Variants in CRADD observed in about 807,000 individuals in gnomAD.
CRADD encodes CARD and death domain containing adaptor protein, also known as death domain-containing protein CRADD.
A neutral mutation model predicts 15.5 loss-of-function variants in CRADD; 9 were observed. The ratio of observed to expected loss-of-function variants is 0.58; its 90% CI spans 0.35 to 1.01. The LOEUF (loss-of-function observed/expected upper bound fraction) is 1.01, where lower values mean the gene tolerates loss of function less well. Ranked by LOEUF, CRADD falls within the 50% of genes least tolerant of loss-of-function variation. The pLI is 0.02. For missense variants in CRADD, 227 were observed against 250.3 expected, an observed-to-expected ratio of 0.91 and a Z score of 0.63; for synonymous variants, 118 against 107.6, an observed-to-expected ratio of 1.10 and a Z score of -0.60.
At chr12:93,865,034 A>G (rs1392702716) in intron 2 of CRADD, among the ~76,000 whole-genome samples, 4 of 152,208 alleles carry the variant, frequency 2.6e-5, no homozygotes, top group East Asian at 1.9e-4. Flanking sequence ...CAGGTTTGCA[A>G]TGTTTGCTGA....
rs1297137982 is a variant in CRADD at position 93,889,681 on chromosome 12, C to G, written c.299-4369C>G. Among the ~76,000 whole-genome samples the G allele has an allele frequency of 3.3e-5, 5 of 152,162 alleles. No homozygotes were observed. The East Asian group carries it at 7.7e-4, about 23-fold the overall frequency. The stretch of plus-strand genomic sequence containing the variant: ...TCATAGCCCAATCAGGCCCCAGCTG[C>G]TCAAAGATGCAACTGGAGGTGATGC... On this transcript the variant is annotated intron_variant, in intron 2 of 2. Coordinates refer to the CRADD transcript ENST00000548483.
At chr12:93,691,348 G>A (rs7960009) in intron 2 of CRADD, among the ~76,000 whole-genome samples, 4 of 151,764 alleles carry the variant, frequency 2.6e-5, no homozygotes, top group African/African-American at 9.7e-5. Flanking sequence ...CCGCCTCCCG[G>A]GTTCAAGCAA....
intron 2 of CRADD, among the ~76,000 whole-genome samples, chr12:93,685,041 A>G (rs1955400326): frequency 6.6e-6 from 1 of 152,224 alleles, no homozygotes; most frequent in African/African-American, 2.4e-5. Flanking sequence ...GAATTACATG[A>G]TGAGAAAGTT....
At chr12:93,857,781 A>AT (rs1565941708) in intron 2 of CRADD, among the ~76,000 whole-genome samples, 1 of 152,206 alleles carries the variant, frequency 6.6e-6, no homozygotes, top group Non-Finnish European at 1.5e-5. Flanking sequence ...CAAGTGATGT[A>AT]TGACAGTCTC....
intron 2 of CRADD, among the ~76,000 whole-genome samples, chr12:93,840,231 C>T (rs1958031412): frequency 6.6e-6 from 1 of 152,170 alleles, no homozygotes; most frequent in Non-Finnish European, 1.5e-5. Flanking sequence ...TTAGTCAGAT[C>T]TTGCTTTATG....
At chr12:93,742,345 G>T (rs1956682934) in intron 2 of CRADD, among the ~76,000 whole-genome samples, 1 of 151,832 alleles carries the variant, frequency 6.6e-6, no homozygotes, top group African/African-American at 2.4e-5. Flanking sequence ...GAGTGCGGGG[G>T]CGCTGTGGGA....
chr12:93,711,055 C>CCCCCCCCCTTTTTTTT, intron 2 of CRADD, among the ~76,000 whole-genome samples: 1 of 43,508 alleles, frequency 2.3e-5, no homozygotes, highest in Non-Finnish European at 4.4e-5. Flanking sequence ...CCACCCCCGC[C>CCCCCCCCCTTTTTTTT]TTTTTTTTTT....
intron 2 of CRADD, among the ~76,000 whole-genome samples, chr12:93,693,256 T>C (rs1211800079): frequency 6.6e-6 from 1 of 152,116 alleles, no homozygotes; most frequent in East Asian, 1.9e-4. Flanking sequence ...TTACCTTGAA[T>C]GTAAATGGAT....
intron 2 of CRADD, among the ~76,000 whole-genome samples, chr12:93,751,817 C>T (rs925206462): frequency 2.6e-5 from 4 of 152,166 alleles, no homozygotes; most frequent in South Asian, 2.1e-4. Context: ...GAGCCAGGAT[C>T]GTGCCACTGC....
intron 2 of CRADD, among the ~76,000 whole-genome samples, chr12:93,765,191 C>T (rs1234824593): frequency 6.6e-6 from 1 of 152,072 alleles, no homozygotes; most frequent in Non-Finnish European, 1.5e-5. Flanking sequence ...TGCAGAGAAA[C>T]ATTATTTTAT....
chr12:93,811,837 C>T (rs1957629691), intron 2 of CRADD, among the ~76,000 whole-genome samples: 1 of 152,156 alleles, frequency 6.6e-6, no homozygotes. Context: ...CCTGCGCACA[C>T]AAATGTTTGT....
At chr12:93,887,552 G>A (rs1476782191) in intron 2 of CRADD, among the ~76,000 whole-genome samples, 1 of 152,230 alleles carries the variant, frequency 6.6e-6, no homozygotes, top group Non-Finnish European at 1.5e-5. Context: ...CTAGGAAGCA[G>A]AGAAGTTAGC....
At chr12:93,752,016 A>G (rs1271434528) in intron 2 of CRADD, among the ~76,000 whole-genome samples, 2 of 152,236 alleles carry the variant, frequency 1.3e-5, no homozygotes, top group African/African-American at 4.8e-5. Flanking sequence ...CCGGCAAGTA[A>G]CTACCTGCAG....
intron 2 of CRADD, among the ~76,000 whole-genome samples, chr12:93,748,314 A>G (rs1956787763): frequency 6.6e-6 from 1 of 151,908 alleles, no homozygotes; most frequent in Non-Finnish European, 1.5e-5. Flanking sequence ...GTTTTGTTTT[A>G]TTTTATTTGA....
At chr12:93,706,824 C>G (rs2136850121) in intron 2 of CRADD, among the ~76,000 whole-genome samples, 1 of 152,248 alleles carries the variant, frequency 6.6e-6, no homozygotes. Context: ...GTAGCTAGAT[C>G]TTTTTAACTT....
intron 2 of CRADD, among the ~76,000 whole-genome samples, chr12:93,843,506 A>G (rs1165832136): frequency 2.0e-5 from 3 of 150,128 alleles, no homozygotes; most frequent in African/African-American, 4.9e-5. Flanking sequence ...TAGCCTCCCA[A>G]GTAGCTGGGA....
chr12:93,711,052 C>G (rs1448263371), intron 2 of CRADD, among the ~76,000 whole-genome samples: 2 of 94,088 alleles, frequency 2.1e-5, no homozygotes, highest in African/African-American at 7.6e-5. Flanking sequence ...CTCCCACCCC[C>G]GCCTTTTTTT....
rs1461701492 is a variant in CRADD, at chr12:93,678,819, G to C, written c.45G>C (p.Glu15Asp). The C allele has an allele frequency of 6.2e-7, 1 of 1,614,194 alleles. No homozygotes were observed. The change falls in exon 2 of 3, where the codon GAG becomes GAC. Residue 15 changes from glutamate to aspartate, a missense_variant. Glu to Asp is a conservative substitution (Grantham distance 45). Coordinates refer to ENST00000332896, the MANE Select transcript of CRADD (RefSeq NM_003805.5). ...AAGTACTCCGCTCACTTCGCCTGGAGCTGGGTGCAGAGGTATTGGTGGAGG... is the reference window on the plus strand; with the variant it reads ...AAGTACTCCGCTCACTTCGCCTGGACCTGGGTGCAGAGGTATTGGTGGAGG... ...DKQVLRSLRL[E>D]LGAEVLVEGL...
At chr12:93,821,583 C>G (rs1380134038) in intron 2 of CRADD, among the ~76,000 whole-genome samples, 5 of 152,214 alleles carry the variant, frequency 3.3e-5, no homozygotes, top group Non-Finnish European at 5.9e-5. Context: ...TTGCTTATAT[C>G]TGTTGCCACA....
Sources: allele counts gnomAD v4.1 joint callset (sites outside exome capture counted in the v4.1 genomes callset), GRCh38; gene constraint gnomAD v4.1.1; transcripts MANE v1.5; gene names NCBI Gene and HGNC (gene_info 2026-07-23, HGNC 2026-07-21).